Variants in CACNA2D3 observed in about 807,000 individuals in gnomAD.
CACNA2D3 encodes the protein calcium voltage-gated channel auxiliary subunit alpha2delta 3.
In CACNA2D3, 60 loss-of-function variants were observed where a neutral mutation model predicts 160.6. The observed-to-expected ratio is 0.37, with a 90% confidence interval of 0.30 to 0.46. The LOEUF (loss-of-function observed/expected upper bound fraction) is 0.46, where lower values mean the gene tolerates loss of function less well. Ranked by LOEUF, CACNA2D3 falls within the 20% of genes least tolerant of loss-of-function variation. The pLI, the probability that CACNA2D3 is intolerant of heterozygous loss-of-function variation, is 1.00. For synonymous variants in CACNA2D3, 558 were observed against 492.9 expected (o/e 1.13, Z -1.75); for missense variants, 1,205 against 1,365.0 (o/e 0.88, Z 1.85).
intron 6 of CACNA2D3, among the ~76,000 whole-genome samples, chr3:54,564,076 A>G (rs1702369827): frequency 6.6e-6 from 1 of 152,220 alleles, no homozygotes; most frequent in Non-Finnish European, 1.5e-5. Context: ...CACTCAACAG[A>G]GAGCAAATCT....
At position 54,126,975 on chromosome 3, in the gene CACNA2D3, C is replaced by T. The variant is rs536250275; in HGVS notation, c.204+3381C>T. The stretch of plus-strand genomic sequence containing the variant: ...CTGTATTTTGGGATTCAGTGAGAAG[C>T]ATTCTAGTAGGTCCGGGAACCTAGG... On this transcript the variant is annotated intron_variant, in intron 2 of 37. Coordinates refer to ENST00000474759, the MANE Select transcript of CACNA2D3 (RefSeq NM_018398.3). Among the ~76,000 whole-genome samples, 91 of 152,288 alleles carry T rather than the reference C, an allele frequency of 6.0e-4. 1 individual carries two copies. The South Asian group carries it at 0.017, about 29-fold the overall frequency.
intron 11 of CACNA2D3, among the ~76,000 whole-genome samples, chr3:54,646,656 C>T (rs1699658717): frequency 6.6e-6 from 1 of 152,140 alleles, no homozygotes; most frequent in South Asian, 2.1e-4. Flanking sequence ...CAGTCTATCA[C>T]TGATGGGCAT....
intron 27 of CACNA2D3, among the ~76,000 whole-genome samples, chr3:54,907,673 A>T (rs1018676909): frequency 2.0e-5 from 3 of 152,168 alleles, no homozygotes; most frequent in African/African-American, 7.2e-5. Context: ...TAATATCTTG[A>T]TATGTTTTGT....
At chr3:54,339,406 A>G (rs1575403953) in intron 3 of CACNA2D3, among the ~76,000 whole-genome samples, 1 of 149,644 alleles carries the variant, frequency 6.7e-6, no homozygotes, top group Non-Finnish European at 1.5e-5. Flanking sequence ...CACCCCTAAC[A>G]CCTCCCACCA....
chr3:54,872,545 A>G (rs1699559538), intron 18 of CACNA2D3, among the ~76,000 whole-genome samples: 1 of 152,122 alleles, frequency 6.6e-6, no homozygotes, highest in South Asian at 2.1e-4. Context: ...GAACCATTTG[A>G]AAGCCCAGCC....
intron 4 of CACNA2D3, among the ~76,000 whole-genome samples, chr3:54,457,191 T>C (rs1271940439): frequency 6.6e-6 from 1 of 152,048 alleles, no homozygotes; most frequent in Non-Finnish European, 1.5e-5. Context: ...GATGTATGCA[T>C]TTATTGTTAT....
Position 54,280,104 on chromosome 3 carries a change from C to T in CACNA2D3, c.205-40338C>T, listed in dbSNP as rs150611069. On this transcript the variant is annotated intron_variant, in intron 2 of 37. Coordinates refer to ENST00000474759, the MANE Select transcript of CACNA2D3 (RefSeq NM_018398.3). The stretch of plus-strand genomic sequence containing the variant: ...TATTTATTTATTTATTTATTTGAGA[C>T]GGAGTCTTGTTCTGTTGCCCAGGCT... 2.0e-3 allele frequency among the ~76,000 whole-genome samples: 294 copies of T among 149,072 alleles called. 8 individuals are homozygous for T. The East Asian group carries it at 0.029, about 15-fold the overall frequency.
chr3:54,912,988 T>G (rs1229925143), intron 27 of CACNA2D3, among the ~76,000 whole-genome samples: 1 of 152,158 alleles, frequency 6.6e-6, no homozygotes, highest in Non-Finnish European at 1.5e-5. Context: ...AGGGTCTCAG[T>G]GGAAGGCATA....
intron 5 of CACNA2D3, among the ~76,000 whole-genome samples, chr3:54,504,710 A>G (rs1288125000): frequency 6.6e-6 from 1 of 152,214 alleles, no homozygotes; most frequent in Non-Finnish European, 1.5e-5. Context: ...CAAATCATAT[A>G]CAAGAGCTCA....
chr3:54,468,803 A>G (rs554239103), intron 4 of CACNA2D3, among the ~76,000 whole-genome samples: 1 of 152,182 alleles, frequency 6.6e-6, no homozygotes, highest in Non-Finnish European at 1.5e-5. Context: ...AGTGTAAACA[A>G]AGCTGCTGGG....
At chr3:54,819,628 C>T (rs749265479) in intron 14 of CACNA2D3, among the ~76,000 whole-genome samples, 1 of 152,128 alleles carries the variant, frequency 6.6e-6, no homozygotes, top group Non-Finnish European at 1.5e-5. Context: ...AGGTGGATTA[C>T]GAGGTCAGGA....
At chr3:54,375,140 C>T (rs1479646392) in intron 3 of CACNA2D3, among the ~76,000 whole-genome samples, 1 of 152,132 alleles carries the variant, frequency 6.6e-6, no homozygotes, top group Admixed American at 6.5e-5. Flanking sequence ...GAGGAGCCTC[C>T]TTGTACCCCG....
chr3:55,058,162 T>C (rs952780199), intron 35 of CACNA2D3, among the ~76,000 whole-genome samples: 4 of 152,196 alleles, frequency 2.6e-5, no homozygotes, highest in African/African-American at 9.7e-5. Context: ...GACAGTTGAA[T>C]AGGGGTGGGA....
intron 9 of CACNA2D3, among the ~76,000 whole-genome samples, chr3:54,612,887 ACATTGCTGGGATAAG>A (rs1162680031): frequency 6.6e-6 from 1 of 152,202 alleles, no homozygotes; most frequent in Non-Finnish European, 1.5e-5. Context: ...CCACAGTCCT[ACATTGCTGGGATAAG>A]CAGTCTGTGC....
At chr3:54,791,467 A>G (rs1011942326) in intron 13 of CACNA2D3, among the ~76,000 whole-genome samples, 6 of 152,212 alleles carry the variant, frequency 3.9e-5, no homozygotes, top group African/African-American at 1.4e-4. Context: ...CATGGCTTAC[A>G]TTTGCATAAT....
At chr3:54,973,444 G>A (rs138897961) in intron 29 of CACNA2D3, among the ~76,000 whole-genome samples, 287 of 152,298 alleles carry the variant, frequency 1.9e-3, no homozygotes, top group Middle Eastern at 3.4e-3. Flanking sequence ...TGACGGCAGC[G>A]AGAGAATCGA....
At chr3:54,762,020 C>T (rs1302802541) in intron 12 of CACNA2D3, among the ~76,000 whole-genome samples, 1 of 152,178 alleles carries the variant, frequency 6.6e-6, no homozygotes, top group Non-Finnish European at 1.5e-5. Flanking sequence ...CACACATACT[C>T]TCTTTAATTT....
intron 4 of CACNA2D3, among the ~76,000 whole-genome samples, chr3:54,485,134 C>T (rs375302037): frequency 3.4e-4 from 52 of 151,922 alleles, no homozygotes; most frequent in East Asian, 1.2e-3. Flanking sequence ...CATGAGCCAC[C>T]GTGCCCAGCT....
intron 14 of CACNA2D3, among the ~76,000 whole-genome samples, chr3:54,822,836 C>CTTTCTTTCT (rs1559595873): frequency 1.2e-3 from 102 of 82,842 alleles, no homozygotes; most frequent in African/African-American, 5.4e-3. Context: ...TCTTTCTTTT[C>CTTTCTTTCT]TTTCTTTCTT....
Sources: allele counts gnomAD v4.1 joint callset (sites outside exome capture counted in the v4.1 genomes callset), GRCh38; gene constraint gnomAD v4.1.1; transcripts MANE v1.5; gene names NCBI Gene and HGNC (gene_info 2026-07-23, HGNC 2026-07-21).